The following RORA variants were observed in gnomAD, a reference collection of about 807,000 sequenced individuals.
RORA encodes RAR related orphan receptor A, also known as nuclear receptor ROR-alpha.
In RORA, 7 loss-of-function variants were observed where a neutral mutation model predicts 69.5. The ratio of observed to expected loss-of-function variants is 0.10; its 90% CI spans 0.06 to 0.19. The LOEUF is 0.19. Among genes scored for constraint, RORA ranks in the 10% least tolerant of loss-of-function variants. The pLI, the probability that RORA is intolerant of heterozygous loss-of-function variation, is 1.00. For synonymous variants in RORA, 261 were observed against 240.8 expected, an observed-to-expected ratio of 1.08 and a Z score of -0.78; for missense variants, 457 against 663.0, an observed-to-expected ratio of 0.69 and a Z score of 3.41.
At chr15:60,675,701 A>T (rs781605678) in intron 2 of RORA, among the ~76,000 whole-genome samples, 15 of 152,192 alleles carry the variant, frequency 9.9e-5, no homozygotes, top group Non-Finnish European at 1.5e-4. Flanking sequence ...CAAAACATTT[A>T]TTTTTTTTAA....
chr15:60,723,274 C>T (rs2071315384), intron 1 of RORA, among the ~76,000 whole-genome samples: 3 of 151,938 alleles, frequency 2.0e-5, no homozygotes, highest in Admixed American at 2.0e-4. Flanking sequence ...CCCTTAGTTT[C>T]GATGCGCATA....
In RORA at chr15:60,492,250, T is replaced by G. The variant is rs2141224206; in HGVS notation, c.*5205A>C. 6.6e-6 allele frequency: 1 copy of G among 152,336 alleles called. No individual in the cohort carries two copies. The highest frequency in any genetic ancestry group is 6.5e-5 in the Admixed American group (1 of 15,306). 9.4% of individuals were successfully genotyped at this position (152,336 alleles called of 1,614,324 possible). ...GAAGAATCAGAGCCAACAATTACAT[T>G]GAACTTCTCTGACTTTATGGAAAGT... On this transcript the variant is annotated 3_prime_UTR_variant, in exon 11 of 11. Transcript: ENST00000335670.
chr15:61,096,685 G>C (rs965193805), intron 1 of RORA, among the ~76,000 whole-genome samples: 3 of 152,140 alleles, frequency 2.0e-5, no homozygotes, highest in Non-Finnish European at 4.4e-5. Flanking sequence ...CTCACACAAA[G>C]AGCTTCCACA....
intron 1 of RORA, among the ~76,000 whole-genome samples, chr15:60,937,999 G>A (rs1892576931): frequency 6.6e-6 from 1 of 152,110 alleles, no homozygotes; most frequent in South Asian, 2.1e-4. Context: ...TTGCTGGTGA[G>A]GAAGAGGAAG....
At chr15:60,539,168 C>T (rs931899438) in intron 2 of RORA, among the ~76,000 whole-genome samples, 1 of 152,170 alleles carries the variant, frequency 6.6e-6, no homozygotes, top group Non-Finnish European at 1.5e-5. Flanking sequence ...CAGAATGTCC[C>T]ATCTGAATTA....
intron 3 of RORA, chr15:60,529,642 C>A (rs765083514): frequency 6.6e-6 from 1 of 152,160 alleles, no homozygotes; most frequent in East Asian, 1.9e-4. Context: ...AAAATGGCAA[C>A]TTTGGAATAA....
At position 60,583,150 on chromosome 15, in the gene RORA, T is replaced by G. The variant is rs183073594; in HGVS notation, c.197-51299A>C. Among the ~76,000 whole-genome samples, 523 of 152,274 alleles carry G rather than the reference T, an allele frequency of 3.4e-3. 4 individuals carry two copies. The highest frequency in any genetic ancestry group is 0.012 in the African/African-American group (491 of 41,552). On this transcript the variant is annotated intron_variant, in intron 2 of 10. Coordinates refer to ENST00000335670, the MANE Select transcript of RORA (RefSeq NM_134261.3). ...CAGTGTGGAAGCAGGCAGGTAGTCCTTCTCCACACCAGCCAGAGGAAGTCT... is the reference window on the plus strand; with the variant it reads ...CAGTGTGGAAGCAGGCAGGTAGTCCGTCTCCACACCAGCCAGAGGAAGTCT...
intron 1 of RORA, among the ~76,000 whole-genome samples, chr15:60,988,960 T>G (rs1264763847): frequency 6.6e-6 from 1 of 152,116 alleles, no homozygotes; most frequent in Non-Finnish European, 1.5e-5. Flanking sequence ...AAAGGCAGAA[T>G]AAAGAAAGAA....
At chr15:60,815,514 G>T (rs999815123) in intron 1 of RORA, among the ~76,000 whole-genome samples, 1 of 152,104 alleles carries the variant, frequency 6.6e-6, no homozygotes, top group Non-Finnish European at 1.5e-5. Flanking sequence ...TGTTTTCACA[G>T]CCGAGGACTT....
In RORA at chr15:60,931,801, C is replaced by T. The variant is rs72752774; in HGVS notation, c.167-253115G>A. ...CTCTTCTGCCTTATGAGGCTGATAGCTCAGACTCAAAACAGTTGGCTGAGT... is the reference window on the plus strand; with the variant it reads ...CTCTTCTGCCTTATGAGGCTGATAGTTCAGACTCAAAACAGTTGGCTGAGT... On this transcript the variant is annotated intron_variant, in intron 1 of 10. Coordinates refer to ENST00000335670, the MANE Select transcript of RORA (RefSeq NM_134261.3). Among the ~76,000 whole-genome samples, 1,463 of 152,336 alleles carry T rather than the reference C, an allele frequency of 9.6e-3. 10 individuals are homozygous for T. The highest frequency in any genetic ancestry group is 0.016 in the Non-Finnish European group (1,087 of 68,036).
Position 60,531,941 on chromosome 15 carries a change from T to TA in RORA, c.197-91dup. 1 of 713,564 alleles carries TA rather than the reference T, an allele frequency of 1.4e-6. No homozygotes were observed. The highest frequency in any genetic ancestry group is 2.4e-6 in the Non-Finnish European group (1 of 421,956). 44.2% of individuals were successfully genotyped at this position (713,564 alleles called of 1,614,324 possible). A position where few individuals can be genotyped will look rare whatever the true frequency, so the allele number is the denominator to read the frequency against. On this transcript the variant is annotated intron_variant, in intron 2 of 10. Transcript: ENST00000335670. The surrounding 1 kb of genome is among the most constrained non-coding windows in gnomAD (Gnocchi z 4.8). ...TGATCAGCATTTGTATAGTGAAAAC[T>TA]AATAACCTGCTAAACATTATACTGC... is the stretch of plus-strand genomic sequence containing the variant.
At chr15:60,722,798 T>C (rs1410659865) in intron 1 of RORA, among the ~76,000 whole-genome samples, 1 of 152,254 alleles carries the variant, frequency 6.6e-6, no homozygotes, top group Non-Finnish European at 1.5e-5. Flanking sequence ...CCTGTCATTC[T>C]GATGAACATT....
rs141479177 is a variant in RORA, at chr15:60,783,735, T to C, written c.167-105049A>G. ...CTAAAATGGGGCCCCACTCTCCTCA[T>C]ACTAGCCACATGAGCTCACATCCAT... On this transcript the variant is annotated intron_variant, in intron 1 of 10. Coordinates refer to ENST00000335670, the MANE Select transcript of RORA (RefSeq NM_134261.3). 4.7e-3 allele frequency among the ~76,000 whole-genome samples: 716 copies of C among 152,284 alleles called. 11 individuals carry two copies. Among genetic ancestry groups the C allele is most frequent in the Non-Finnish European group, 4.2e-3 (289 of 68,034 alleles).
At chr15:61,103,799 C>G (rs748134724) in intron 1 of RORA, among the ~76,000 whole-genome samples, 27 of 152,114 alleles carry the variant, frequency 1.8e-4, no homozygotes, top group Non-Finnish European at 3.8e-4. Context: ...GGCCATCCCC[C>G]ACCCCGTCCA....
chr15:60,943,776 C>T (rs955544979), intron 1 of RORA, among the ~76,000 whole-genome samples: 1 of 151,422 alleles, frequency 6.6e-6, no homozygotes, highest in Non-Finnish European at 1.5e-5. Context: ...ATTAGCCAGG[C>T]GTGGTAGCGT....
At chr15:61,162,725 G>A (rs1183555582) in intron 1 of RORA, among the ~76,000 whole-genome samples, 2 of 152,110 alleles carry the variant, frequency 1.3e-5, no homozygotes, top group Non-Finnish European at 2.9e-5. Flanking sequence ...CAAAAGAGCC[G>A]AGACCATAAA....
chr15:61,214,875 T>C (rs1014745777), intron 1 of RORA, among the ~76,000 whole-genome samples: 22 of 146,874 alleles, frequency 1.5e-4, no homozygotes, highest in Non-Finnish European at 3.3e-4. Context: ...TTTTTTTTTT[T>C]TTTTTTTTGA....
At position 60,792,541 on chromosome 15, in the gene RORA, G is replaced by A. The variant is rs747370817; in HGVS notation, c.167-113855C>T. Reference sequence around the variant, plus strand: ...ATTTTCTGAAGTCGAAAGATAAAGAGAACATCAAAAAAGCAGCCAGAGACC... The same window carrying A: ...ATTTTCTGAAGTCGAAAGATAAAGAAAACATCAAAAAAGCAGCCAGAGACC... On this transcript the variant is annotated intron_variant, in intron 1 of 10. Coordinates refer to ENST00000335670, the MANE Select transcript of RORA (RefSeq NM_134261.3). Among the ~76,000 whole-genome samples the A allele has an allele frequency of 1.2e-4, 19 of 152,144 alleles. 1 individual carries two copies. Among genetic ancestry groups the A allele is most frequent in the Admixed American group, 1.2e-3 (18 of 15,286 alleles).
intron 1 of RORA, among the ~76,000 whole-genome samples, chr15:60,949,875 AGACTAT>A (rs937158284): frequency 6.6e-6 from 1 of 152,214 alleles, no homozygotes; most frequent in African/African-American, 2.4e-5. Flanking sequence ...GAAGGATCTA[AGACTAT>A]TGAAACTTTC....
Sources: gnomAD v4.1 joint callset for allele counts (sites outside exome capture counted in the v4.1 genomes callset) on GRCh38, gnomAD v4.1.1 for gene constraint, Gnocchi (gnomAD v3.1) non-coding constraint, MANE v1.5 for transcripts, NCBI Gene and HGNC (gene_info 2026-07-23, HGNC 2026-07-21) for gene names.